The following MMP16 variants were observed in gnomAD, a reference collection of about 807,000 sequenced individuals.
MMP16 encodes the protein matrix metallopeptidase 16.
MMP16 carries 12 observed loss-of-function variants against 67.8 expected under a neutral mutation model. The ratio of observed to expected loss-of-function variants is 0.18; its 90% CI spans 0.11 to 0.29. The LOEUF is 0.29. Among genes scored for constraint, MMP16 ranks in the 10% least tolerant of loss-of-function variants. The pLI is 1.00. For missense variants in MMP16, 475 were observed against 765.7 expected (o/e 0.62, Z 4.48); for synonymous variants, 249 against 255.9 (o/e 0.97, Z 0.26).
At chr8:88,045,572 T>A (rs1586120382) in intron 9 of MMP16, among the ~76,000 whole-genome samples, 1 of 151,984 alleles carries the variant, frequency 6.6e-6, no homozygotes, top group Non-Finnish European at 1.5e-5. Context: ...GGGGGTGTCA[T>A]CATTGTGGCC....
chr8:88,152,441 T>A (rs1250826467), intron 4 of MMP16, among the ~76,000 whole-genome samples: 1 of 54,238 alleles, frequency 1.8e-5, no homozygotes, highest in Non-Finnish European at 3.4e-5. Context: ...ATATCCTTGA[T>A]GAACATTGAT....
At chr8:88,242,417 G>A (rs1237146066) in intron 1 of MMP16, among the ~76,000 whole-genome samples, 1 of 152,086 alleles carries the variant, frequency 6.6e-6, no homozygotes, top group Non-Finnish European at 1.5e-5. Context: ...TTCCATACAA[G>A]GATTATAGTG....
intron 6 of MMP16, among the ~76,000 whole-genome samples, chr8:88,106,569 AATGTATACTCAC>A (rs1368697518): frequency 6.6e-6 from 1 of 151,228 alleles, no homozygotes; most frequent in Non-Finnish European, 1.5e-5. Flanking sequence ...AGGTAGTAAA[AATGTATACTCAC>A]ATTAACAGAA....
At chr8:88,260,993 G>C (rs1353415921) in intron 1 of MMP16, among the ~76,000 whole-genome samples, 1 of 152,084 alleles carries the variant, frequency 6.6e-6, no homozygotes, top group African/African-American at 2.4e-5. Context: ...ACTTTAACAA[G>C]TATCTTGTAC....
At chr8:88,295,189 G>C (rs1227789712) in intron 1 of MMP16, among the ~76,000 whole-genome samples, 1 of 152,170 alleles carries the variant, frequency 6.6e-6, no homozygotes, top group Non-Finnish European at 1.5e-5. Context: ...AATATGACTA[G>C]TAGTTAACAA....
chr8:88,166,718 T>G (rs1808719170), intron 4 of MMP16, among the ~76,000 whole-genome samples: 1 of 138,950 alleles, frequency 7.2e-6, no homozygotes, highest in African/African-American at 2.7e-5. Flanking sequence ...TATATATATA[T>G]ATATATATAT....
chr8:88,186,298 A>T, intron 3 of MMP16, 178 bp downstream of exon 3: 1 of 657,986 alleles, frequency 1.5e-6, no homozygotes, highest in Non-Finnish European at 2.5e-6. Flanking sequence ...GAGTGTCTAC[A>T]TAGGGTGTCT....
intron 3 of MMP16, among the ~76,000 whole-genome samples, chr8:88,170,909 T>TA (rs1194700834): frequency 2.0e-5 from 3 of 152,172 alleles, no homozygotes; most frequent in Non-Finnish European, 4.4e-5. Flanking sequence ...TAAGAGAAGA[T>TA]AGAGACTAGG....
chr8:88,297,616 G>C (rs78672663), intron 1 of MMP16, among the ~76,000 whole-genome samples: 3,281 of 152,286 alleles, frequency 0.022, 54 homozygotes, highest in Non-Finnish European at 0.034. Context: ...CTGATTCTCA[G>C]CCAGACTCTA....
chr8:88,046,854 A>G, intron 8 of MMP16, 70 bp from the exon 9 acceptor site: 2 of 948,842 alleles, frequency 2.1e-6, no homozygotes, highest in Non-Finnish European at 3.2e-6. Context: ...GCATACAAAC[A>G]ATAATAGCTG....
intron 3 of MMP16, among the ~76,000 whole-genome samples, chr8:88,173,736 T>A (rs1808841697): frequency 6.6e-6 from 1 of 152,218 alleles, no homozygotes; most frequent in Admixed American, 6.5e-5. Context: ...CTTGTCTAAT[T>A]AATGGAGCTT....
chr8:88,168,189 G>C (rs1808744865), intron 3 of MMP16, among the ~76,000 whole-genome samples: 2 of 152,234 alleles, frequency 1.3e-5, no homozygotes, highest in South Asian at 4.1e-4. Flanking sequence ...TTTTAAATGA[G>C]AAGATCTCTG....
intron 4 of MMP16, among the ~76,000 whole-genome samples, chr8:88,147,052 G>A (rs1415348627): frequency 6.6e-6 from 1 of 151,958 alleles, no homozygotes; most frequent in Non-Finnish European, 1.5e-5. Flanking sequence ...TACTTTGTAA[G>A]TGGCAAGTTT....
chr8:88,041,874 G>C lies in MMP16; in HGVS notation c.1490-79C>G. 1.9e-6 allele frequency: 2 copies of C among 1,078,908 alleles called. No individual in the cohort carries two copies. Among genetic ancestry groups the C allele is most frequent in the Non-Finnish European group, 2.7e-6 (2 of 746,536 alleles). The allele number at this position is 1,078,908 out of a possible 1,614,324, so 66.8% of individuals were successfully genotyped here. A position where few individuals can be genotyped will look rare whatever the true frequency, so the allele number is the denominator to read the frequency against. The stretch of plus-strand genomic sequence containing the variant: ...ATGTAGAGAAATGTTACTAAAATAG[G>C]CTATGTCTTAAGAGATGTATTTTAA... On this transcript the variant is annotated intron_variant, in intron 9 of 9. Transcript: ENST00000286614. This position sits in a 1 kb window ranked among gnomAD's most constrained non-coding sequence, Gnocchi z 6.0.
intron 1 of MMP16, among the ~76,000 whole-genome samples, chr8:88,269,745 C>A (rs1810536094): frequency 6.6e-6 from 1 of 152,176 alleles, no homozygotes; most frequent in Admixed American, 6.5e-5. Context: ...ATCCACCCTA[C>A]AGGCCACTGC....
intron 7 of MMP16, among the ~76,000 whole-genome samples, chr8:88,061,065 G>T (rs1808392861): frequency 6.6e-6 from 1 of 151,534 alleles, no homozygotes. Context: ...TTAACCAAGT[G>T]TTGGGAAATA....
intron 1 of MMP16, among the ~76,000 whole-genome samples, chr8:88,325,491 C>G (rs1331843344): frequency 1.3e-5 from 2 of 152,170 alleles, no homozygotes; most frequent in Non-Finnish European, 2.9e-5. Flanking sequence ...GCAATAGGCC[C>G]TTCTGTTTAT....
At chr8:88,124,290 T>C (rs758937510) in intron 4 of MMP16, among the ~76,000 whole-genome samples, 1 of 152,006 alleles carries the variant, frequency 6.6e-6, no homozygotes, top group Non-Finnish European at 1.5e-5. Context: ...TTAATAGTCA[T>C]ACGTGCCAAG....
At chr8:88,075,717 T>C (rs1049518370) in intron 6 of MMP16, among the ~76,000 whole-genome samples, 1 of 152,160 alleles carries the variant, frequency 6.6e-6, no homozygotes, top group African/African-American at 2.4e-5. Context: ...AATTTCTGTA[T>C]GTATAAGCAA....
Sources: gnomAD v4.1 joint callset for allele counts (sites outside exome capture counted in the v4.1 genomes callset) on GRCh38, gnomAD v4.1.1 for gene constraint, Gnocchi (gnomAD v3.1) non-coding constraint, MANE v1.5 for transcripts, NCBI Gene and HGNC (gene_info 2026-07-23, HGNC 2026-07-21) for gene names.